AKAP13: variants seen among roughly 807,000 people sequenced by gnomAD.
The protein encoded by AKAP13 is A-kinase anchoring protein 13, also known as A-kinase anchor protein 13.
In AKAP13, 80 loss-of-function variants were observed where a neutral mutation model predicts 264.5. The observed-to-expected ratio is 0.30, with a 90% CI of 0.25 to 0.36. The LOEUF is 0.36. AKAP13 is among the 10% of genes least tolerant of loss of function. The pLI, the probability that AKAP13 is intolerant of heterozygous loss-of-function variation, is 1.00. For synonymous variants in AKAP13, 1,380 were observed against 1,250.2 expected (o/e 1.10, Z -2.19); for missense variants, 3,712 against 3,435.2 (o/e 1.08, Z -2.01).
At chr15:85,662,173 A>G (rs895460419) in intron 12 of AKAP13, among the ~76,000 whole-genome samples, 3 of 152,218 alleles carry the variant, frequency 2.0e-5, no homozygotes, top group Non-Finnish European at 2.9e-5. Flanking sequence ...CTTTTTCCAC[A>G]ATGCTGTCTA....
At position 85,619,303 on chromosome 15, in the gene AKAP13, G is replaced by A. The variant is rs1206901851; in HGVS notation, c.4162-20071G>A. 5 of 944,980 alleles carry A rather than the reference G, an allele frequency of 5.3e-6. No homozygotes were observed. In the South Asian group the frequency reaches 1.5e-4, roughly 28 times the overall value. 58.5% of individuals were successfully genotyped at this position (944,980 alleles called of 1,614,324 possible). The stretch of plus-strand genomic sequence containing the variant: ...CGGAGCTGAAAGGGCAAGCAGTGAC[G>A]TTCTTGAGAGAGAAGGAAAAAGGGA... On this transcript the variant is annotated intron_variant, in intron 8 of 36. Coordinates refer to ENST00000394518, the MANE Select transcript of AKAP13 (RefSeq NM_007200.5).
At chr15:85,679,323 G>A (rs16943095) in intron 14 of AKAP13, among the ~76,000 whole-genome samples, 2,101 of 152,094 alleles carry the variant, frequency 0.014, 58 homozygotes, top group African/African-American at 0.048. Context: ...CAGTTAATCC[G>A]ACACAATGGA....
chr15:85,485,677 A>T (rs1201882961), intron 1 of AKAP13, 33 bp from the exon 2 acceptor site: 1 of 1,604,642 alleles, frequency 6.2e-7, no homozygotes, highest in Non-Finnish European at 8.5e-7. Context: ...ACAACTTTTA[A>T]TTTTATTCTC....
At chr15:85,390,140 C>A (rs1245339273) in intron 1 of AKAP13, among the ~76,000 whole-genome samples, 2 of 152,124 alleles carry the variant, frequency 1.3e-5, no homozygotes, top group Non-Finnish European at 2.9e-5. Context: ...TTTTGTTTGT[C>A]AGGCACGGTT....
intron 36 of AKAP13, 153 bp from the exon 37 acceptor site, chr15:85,744,475 A>C: frequency 1.3e-6 from 1 of 783,292 alleles, no homozygotes; most frequent in South Asian, 1.5e-5. Context: ...TTATTAACCA[A>C]ATTTGTTCAG....
At chr15:85,532,632 G>A (rs371875886) in intron 3 of AKAP13, among the ~76,000 whole-genome samples, 2 of 152,194 alleles carry the variant, frequency 1.3e-5, no homozygotes, top group Non-Finnish European at 1.5e-5. Flanking sequence ...TGAAAACAGG[G>A]GAAATAGTGT....
Position 85,655,780 on chromosome 15 carries a change from C to T in AKAP13, c.4738C>T (p.His1580Tyr). ...TGCAGCCAGCGATGCAGAAATGAAC[C>T]ACCGGAGGTGAGATGGGAGGCGGTT... ...KNAASDAEMN[H>Y]RSSMRVLGDV... The change falls in exon 11 of 37, where the codon CAC (histidine) becomes TAC (tyrosine). Residue 1580 changes from histidine (H) to tyrosine (Y), a missense_variant. Coordinates refer to ENST00000394518, the MANE Select transcript of AKAP13 (RefSeq NM_007200.5). 1.2e-6 allele frequency: 2 copies of T among 1,606,320 alleles called. No individual in the cohort carries two copies. The highest frequency in any genetic ancestry group is 1.1e-5 in the South Asian group (1 of 90,886).
chr15:85,623,685 T>C (rs1365201942), intron 8 of AKAP13, among the ~76,000 whole-genome samples: 1 of 152,232 alleles, frequency 6.6e-6, no homozygotes, highest in Non-Finnish European at 1.5e-5. Context: ...GAACTTTTTC[T>C]AAGTAATAAA....
intron 10 of AKAP13, 68 bp downstream of exon 10, chr15:85,646,022 T>C: frequency 1.3e-6 from 2 of 1,563,936 alleles, no homozygotes; most frequent in Non-Finnish European, 1.7e-6. Context: ...CTTCCCAAAC[T>C]CTTTTCCAAC....
At chr15:85,415,527 G>C (rs2072199846) in intron 1 of AKAP13, 4 of 1,504,320 alleles carry the variant, frequency 2.7e-6, no homozygotes, top group African/African-American at 1.4e-5. Flanking sequence ...TCAGGAGTGG[G>C]ATGGGAAGGA....
chr15:85,665,135 T>G (rs2083518761), intron 13 of AKAP13, among the ~76,000 whole-genome samples: 1 of 152,056 alleles, frequency 6.6e-6, no homozygotes, highest in Non-Finnish European at 1.5e-5. Flanking sequence ...ACCAGGAGTT[T>G]AAGGCTGCAT....
intron 2 of AKAP13, among the ~76,000 whole-genome samples, chr15:85,506,663 G>C (rs754871958): frequency 2.0e-5 from 3 of 152,182 alleles, no homozygotes; most frequent in Non-Finnish European, 4.4e-5. Flanking sequence ...ATTGAGGATG[G>C]TCAGGGATGA....
At chr15:85,399,535 A>AAAAAAAAAAAAAAAAAAAAAAT (rs1567038735) in intron 1 of AKAP13, among the ~76,000 whole-genome samples, 2 of 105,602 alleles carry the variant, frequency 1.9e-5, no homozygotes, top group African/African-American at 4.1e-5. Flanking sequence ...AAAAAATAAA[A>AAAAAAAAAAAAAAAAAAAAAAT]AAATAAATAA....
In AKAP13 at chr15:85,581,029, C is replaced by A. The variant is rs748676818; in HGVS notation, c.2961C>A (p.Ser987=). The change falls in exon 7 of 37, where the codon TCC becomes TCA. Residue 987 remains serine (S), a synonymous_variant. Coordinates refer to ENST00000394518, the MANE Select transcript of AKAP13 (RefSeq NM_007200.5). ...AGCTAAGTAATTCACCGGGTGCATCCTCTGCCTTTCTTAAGGCAGAAACTG... is the reference window on the plus strand; with the variant it reads ...AGCTAAGTAATTCACCGGGTGCATCATCTGCCTTTCTTAAGGCAGAAACTG... ...ALQLSNSPGA[S]SAFLKAETEH... 1.2e-6 allele frequency: 2 copies of A among 1,613,726 alleles called. No homozygotes were observed. Among genetic ancestry groups the A allele is most frequent in the African/African-American group, 2.7e-5 (2 of 74,902 alleles).
chr15:85,503,082 A>G (rs1474549119), intron 2 of AKAP13, among the ~76,000 whole-genome samples: 3 of 152,186 alleles, frequency 2.0e-5, no homozygotes, highest in African/African-American at 7.2e-5. Flanking sequence ...TACTTGGTAT[A>G]CCTTGTTAAA....
rs1019922766 is a variant in AKAP13 at position 85,380,623 on chromosome 15, G to C, written c.-187G>C. 1.3e-5 allele frequency: 2 copies of C among 151,342 alleles called. No homozygotes were observed. The highest frequency in any genetic ancestry group is 4.2e-4 in the South Asian group (2 of 4,718). The allele number at this position is 151,342 out of a possible 1,614,324, so 9.4% of individuals were successfully genotyped here. ...GAGCTGTGTGCAGGGCCAGCGCGGA[G>C]CCCGAGCAGCCGCGGTGAAGCGCCT... On this transcript the variant is annotated 5_prime_UTR_variant, in exon 1 of 37. Coordinates refer to ENST00000394518, the MANE Select transcript of AKAP13 (RefSeq NM_007200.5).
intron 1 of AKAP13, among the ~76,000 whole-genome samples, chr15:85,475,439 A>AT (rs2075125755): frequency 6.6e-6 from 1 of 152,136 alleles, no homozygotes; most frequent in Non-Finnish European, 1.5e-5. Flanking sequence ...AGCAGAAACC[A>AT]TTTTTGCAGG....
At chr15:85,596,606 C>T (rs2079836112) in intron 8 of AKAP13, among the ~76,000 whole-genome samples, 1 of 151,990 alleles carries the variant, frequency 6.6e-6, no homozygotes, top group Non-Finnish European at 1.5e-5. Flanking sequence ...AAAACCTAGT[C>T]ACTCTGGGGT....
At chr15:85,381,358 G>T (rs2070247523) in intron 1 of AKAP13, among the ~76,000 whole-genome samples, 1 of 152,028 alleles carries the variant, frequency 6.6e-6, no homozygotes, top group African/African-American at 2.4e-5. Flanking sequence ...GCTTCTCGGG[G>T]GTGCGGCCCA....
Sources: allele counts gnomAD v4.1 joint callset (sites outside exome capture counted in the v4.1 genomes callset), GRCh38; gene constraint gnomAD v4.1.1; transcripts MANE v1.5; gene names NCBI Gene and HGNC (gene_info 2026-07-23, HGNC 2026-07-21).